The following LTA4H variants were observed in gnomAD, a reference collection of about 807,000 sequenced individuals.
LTA4H encodes the protein leukotriene A4 hydrolase, also known as leukotriene A-4 hydrolase.
In LTA4H, 59 loss-of-function variants were observed where a neutral mutation model predicts 89.8. That is an observed-to-expected ratio of 0.66 (90% CI 0.53 to 0.82). The LOEUF (loss-of-function observed/expected upper bound fraction) is 0.82. Ranked by LOEUF, LTA4H falls within the 40% of genes least tolerant of loss-of-function variation. The pLI is 0.00. For missense variants in LTA4H, 617 were observed against 727.0 expected (o/e 0.85, Z 1.74); for synonymous variants, 227 against 253.1 (o/e 0.90, Z 0.98).
chr12:96,029,080 T>C lies in LTA4H; in HGVS notation c.265A>G (p.Ile89Val), dbSNP rs1950543418. The stretch of plus-strand genomic sequence containing the variant: ...TTGCTCAAAGCGATAGGAAGAGAGA[T>C]TTCCATTGGCGATCCCTTGTAACTT... ...RQSYKGSPME[I>V]SLPIALSKNQ... The change falls in exon 2 of 19, where the codon ATC (isoleucine) becomes GTC (valine). Residue 89 changes from isoleucine to valine, a missense_variant. Transcript: ENST00000228740. 6.3e-7 allele frequency: 1 copy of C among 1,588,804 alleles called. No homozygotes were observed. Among genetic ancestry groups the C allele is most frequent in the Non-Finnish European group, 8.6e-7 (1 of 1,168,428 alleles).
exon 1 of LTA4H, chr12:96,043,401 A>G: frequency 3.5e-6 from 5 of 1,422,604 alleles, no homozygotes; most frequent in Non-Finnish European, 4.8e-6. Context: ...GGAGGTGTAG[A>G]CAGGAGGAGA....
At position 96,022,025 on chromosome 12, in the gene LTA4H, A is replaced by G; in HGVS notation, c.585+122T>C. On this transcript the variant is annotated intron_variant, in intron 5 of 18. Transcript: ENST00000228740. This position sits in a 1 kb window ranked among gnomAD's most constrained non-coding sequence, Gnocchi z 4.0. ...AAAAGAAAAAAAAATGAAGAAAACAAAAACCAAAAGCTGTTCTCAAAATTC... is the reference window on the plus strand; with the variant it reads ...AAAAGAAAAAAAAATGAAGAAAACAGAAACCAAAAGCTGTTCTCAAAATTC... 1 of 652,696 alleles carries G rather than the reference A, an allele frequency of 1.5e-6. No individual in the cohort carries two copies. The highest frequency in any genetic ancestry group is 2.7e-6 in the Non-Finnish European group (1 of 370,490). The allele number at this position is 652,696 out of a possible 1,614,324, so 40.4% of individuals were successfully genotyped here. A position where few individuals can be genotyped will look rare whatever the true frequency, so the allele number is the denominator to read the frequency against.
rs769445561 is a variant in LTA4H at position 96,006,354 on chromosome 12, G to C, written c.1490C>G (p.Ser497Cys). 1.9e-6 allele frequency: 3 copies of C among 1,612,072 alleles called. No individual in the cohort carries two copies. In the South Asian group the frequency reaches 3.3e-5, roughly 18 times the overall value. Residue 497 changes from serine to cysteine, a missense_variant, in exon 16 of 19, where the codon TCT (serine) becomes TGT (cysteine). Ser to Cys is a moderately radical substitution (Grantham distance 112). Around this residue, in one of 3 missense-constraint regions of LTA4H, gnomAD observed 290 missense variants for 339.1 expected, o/e 0.86. Transcript: ENST00000228740. Reference protein sequence around the residue: ...FNATDLKDLSSHQLNEFLAQT... With the variant: ...FNATDLKDLSCHQLNEFLAQT... ...TGCTAAAAACTCATTCAATTGATGA[G>C]AAGAGAGATCCTTCAGGTCTGTGGC... is the stretch of plus-strand genomic sequence containing the variant.
chr12:96,035,914 T>C (rs1950637386), upstream of LTA4H, among the ~76,000 whole-genome samples: 1 of 152,040 alleles, frequency 6.6e-6, no homozygotes, highest in African/African-American at 2.4e-5. Flanking sequence ...GTGGAAGCTG[T>C]GGTGGCAAAC....
At chr12:96,008,167 C>T (rs1050663744) in intron 15 of LTA4H, among the ~76,000 whole-genome samples, 5 of 152,096 alleles carry the variant, frequency 3.3e-5, no homozygotes, top group Non-Finnish European at 7.4e-5. Context: ...GTGTAACAAA[C>T]CTGCACATGT....
At chr12:96,009,836 A>T (rs1045145101) in intron 14 of LTA4H, 1 of 152,220 alleles carries the variant, frequency 6.6e-6, no homozygotes, top group African/African-American at 2.4e-5. Context: ...TTGTACTGAA[A>T]TGCTTGTATT....
intron 1 of LTA4H, among the ~76,000 whole-genome samples, 155 bp from the exon 2 acceptor site, chr12:96,029,340 T>A (rs562586631): frequency 1.3e-5 from 2 of 152,278 alleles, no homozygotes; most frequent in South Asian, 4.1e-4. Flanking sequence ...TAGGTCTCAT[T>A]TTTTGGGACT....
At chr12:96,001,132 G>T in intron 18 of LTA4H, 26 bp from the exon 19 acceptor site, 1 of 1,465,408 alleles carries the variant, frequency 6.8e-7, no homozygotes, top group Non-Finnish European at 9.6e-7. Context: ...AAATTGAAAA[G>T]AAAGAAAGGC....
At chr12:96,037,196 G>A (rs1249819963), upstream of LTA4H, among the ~76,000 whole-genome samples, 1 of 152,224 alleles carries the variant, frequency 6.6e-6, no homozygotes, top group Non-Finnish European at 1.5e-5. Flanking sequence ...GAGTGGAAGT[G>A]GAGATGTCCA....
At chr12:96,037,856 TTGTG>T (rs1318630064), upstream of LTA4H, among the ~76,000 whole-genome samples, 2 of 151,998 alleles carry the variant, frequency 1.3e-5, no homozygotes, top group Admixed American at 6.5e-5. Context: ...GACTAATTTT[TTGTG>T]TGTGTATTTT....
intron 1 of LTA4H, among the ~76,000 whole-genome samples, chr12:96,031,667 T>C (rs1387828576): frequency 6.6e-6 from 1 of 152,212 alleles, no homozygotes; most frequent in Non-Finnish European, 1.5e-5. Context: ...TCTGATTCCT[T>C]TTTTGCACAG....
At chr12:96,019,899 GTTTT>G (rs748833448) in intron 6 of LTA4H, among the ~76,000 whole-genome samples, 1 of 120,928 alleles carries the variant, frequency 8.3e-6, no homozygotes. Flanking sequence ...CACGCCCAGC[GTTTT>G]TTTTTTTTTT....
At chr12:96,008,605 A>AT (rs1357394334) in intron 15 of LTA4H, among the ~76,000 whole-genome samples, 2 of 152,022 alleles carry the variant, frequency 1.3e-5, no homozygotes, top group Non-Finnish European at 2.9e-5. Context: ...TTCAACATCA[A>AT]TTTTTCCCCC....
In LTA4H at chr12:96,024,461, A is replaced by G; in HGVS notation, c.480+18T>C. The stretch of plus-strand genomic sequence containing the variant: ...TGATATGCATCATTTAATTGAGTTA[A>G]TAATTCGTAATATTTACCTCTGCAG... On this transcript the variant is annotated intron_variant, in intron 4 of 18. Transcript: ENST00000228740. The G allele has an allele frequency of 6.8e-7, 1 of 1,474,440 alleles. No individual in the cohort carries two copies. Among genetic ancestry groups the G allele is most frequent in the Non-Finnish European group, 9.5e-7 (1 of 1,055,132 alleles). The allele number at this position is 1,474,440 out of a possible 1,614,324, so 91.3% of individuals were successfully genotyped here.
At position 96,022,048 on chromosome 12, in the gene LTA4H, T is replaced by G; in HGVS notation, c.585+99A>C. 1 of 713,918 alleles carries G rather than the reference T, an allele frequency of 1.4e-6. No homozygotes were observed. Among genetic ancestry groups the G allele is most frequent in the Non-Finnish European group, 2.4e-6 (1 of 415,584 alleles). 44.2% of individuals were successfully genotyped at this position (713,918 alleles called of 1,614,324 possible). Reference sequence around the variant, plus strand: ...CAAAAACCAAAAGCTGTTCTCAAAATTCTGAAATATTTCAAAAGTAATTTT... The same window carrying G: ...CAAAAACCAAAAGCTGTTCTCAAAAGTCTGAAATATTTCAAAAGTAATTTT... On this transcript the variant is annotated intron_variant, in intron 5 of 18. Transcript: ENST00000228740. The surrounding 1 kb of genome is among the most constrained non-coding windows in gnomAD (Gnocchi z 4.0).
rs201423980 is a variant in LTA4H at position 96,029,301 on chromosome 12, TAGA to T, written c.160-119_160-117del. 3.4e-3 allele frequency: 1,772 copies of T among 520,406 alleles called. 29 individuals are homozygous for T. Among genetic ancestry groups the T allele is most frequent in the African/African-American group, 0.028 (1,407 of 50,218 alleles). 32.2% of individuals were successfully genotyped at this position (520,406 alleles called of 1,614,324 possible). On this transcript the variant is annotated intron_variant, in intron 1 of 18. Coordinates refer to ENST00000228740, the MANE Select transcript of LTA4H (RefSeq NM_000895.3). ...TGGAGAGTAAAATACAGAGTGAAAT[TAGA>T]AGAATTGAAGAGTCAAAAGCTAGTC...
chr12:96,041,911 G>C (rs770540092), intron 1 of LTA4H, among the ~76,000 whole-genome samples: 1 of 151,770 alleles, frequency 6.6e-6, no homozygotes, highest in Non-Finnish European at 1.5e-5. Context: ...AAAGTGCTGG[G>C]ATTACAGGCG....
chr12:96,024,055 G>A (rs946442752), intron 4 of LTA4H, among the ~76,000 whole-genome samples: 2 of 151,684 alleles, frequency 1.3e-5, no homozygotes, highest in African/African-American at 2.4e-5. Context: ...TCAGCCTGCC[G>A]AGTAGCTGGG....
At chr12:96,035,213 G>T in intron 1 of LTA4H, 148 bp downstream of exon 1, 3 of 763,324 alleles carry the variant, frequency 3.9e-6, no homozygotes, top group African/African-American at 1.8e-5. Flanking sequence ...AACATGAGTT[G>T]GATGGAGGCT....
Sources: allele counts gnomAD v4.1 joint callset (sites outside exome capture counted in the v4.1 genomes callset), GRCh38; gene constraint gnomAD v4.1.1; regional missense constraint gnomAD v4.1.1; non-coding constraint Gnocchi (gnomAD v3.1); transcripts MANE v1.5; gene names NCBI Gene and HGNC (gene_info 2026-07-23, HGNC 2026-07-21).